Variants in DDIAS observed in about 807,000 individuals in gnomAD.
The protein encoded by DDIAS is DNA damage-induced apoptosis suppressor protein.
In DDIAS, 14 loss-of-function variants were observed where a neutral mutation model predicts 15.7. The observed-to-expected ratio is 0.89, with a 90% CI of 0.59 to 1.39. The LOEUF (loss-of-function observed/expected upper bound fraction) is 1.39, where lower values mean the gene tolerates loss of function less well. Ranked by LOEUF, DDIAS falls within the 40% of genes most tolerant of loss-of-function variation. The pLI is 0.00. For synonymous variants in DDIAS, 355 were observed against 395.9 expected (o/e 0.90, Z 1.23); for missense variants, 1,035 against 1,130.9 (o/e 0.92, Z 1.22).
chr11:82,914,822 C>A lies in DDIAS; in HGVS notation c.84C>A (p.Cys28Ter). ...TTATATATCCATCATGTCAGAAGTG[C>A]TTCTCTAGGATAATCCTGGTCTCCA... ...SSFIYPSCQK[C>*]FSRIILVSKR... The change falls in exon 3 of 6, where the codon TGC becomes TGA. Residue 28 changes from cysteine to a stop codon, truncating the protein, a stop_gained. Coordinates refer to ENST00000533655, the MANE Select transcript of DDIAS (RefSeq NM_145018.4). LOFTEE classifies it high-confidence loss of function. 3.1e-6 allele frequency: 5 copies of A among 1,600,226 alleles called. No homozygotes were observed. The highest frequency in any genetic ancestry group is 4.3e-6 in the Non-Finnish European group (5 of 1,168,214).
chr11:82,924,157 A>T (rs1860810194), intron 3 of DDIAS, among the ~76,000 whole-genome samples: 1 of 152,232 alleles, frequency 6.6e-6, no homozygotes, highest in Non-Finnish European at 1.5e-5. Context: ...ACACATATAG[A>T]TCATAGTTTT....
At chr11:82,921,257 G>C (rs1432226570) in intron 3 of DDIAS, among the ~76,000 whole-genome samples, 2 of 152,142 alleles carry the variant, frequency 1.3e-5, no homozygotes, top group Non-Finnish European at 2.9e-5. Flanking sequence ...GTTTATGTGA[G>C]TCCTTATGTG....
intron 5 of DDIAS, among the ~76,000 whole-genome samples, chr11:82,930,570 C>T (rs113170878): frequency 0.013 from 2,001 of 151,980 alleles, 34 homozygotes; most frequent in African/African-American, 0.045. Flanking sequence ...TTTTGCCCTC[C>T]GGATTTTGTT....
Position 82,933,016 on chromosome 11 carries a change from A to G in DDIAS, c.1678A>G (p.Arg560Gly), listed in dbSNP as rs1375553477. 5.6e-6 allele frequency: 9 copies of G among 1,609,074 alleles called. No homozygotes were observed. Among genetic ancestry groups the G allele is most frequent in the Non-Finnish European group, 7.6e-6 (9 of 1,179,524 alleles). Residue 560 changes from arginine (R) to glycine (G), a missense_variant, in exon 6 of 6, where the codon AGA becomes GGA. Coordinates refer to ENST00000533655, the MANE Select transcript of DDIAS (RefSeq NM_145018.4). ...ETIVTLKKTIRISPHRESDHS... is the reference protein window; with the variant it reads ...ETIVTLKKTIGISPHRESDHS... ...AATAGTTACTCTTAAGAAGACTATCAGAATCTCACCACACAGGGAGAGTGA... is the reference window on the plus strand; with the variant it reads ...AATAGTTACTCTTAAGAAGACTATCGGAATCTCACCACACAGGGAGAGTGA...
chr11:82,903,927 G>C (rs1396828739), intron 1 of DDIAS, among the ~76,000 whole-genome samples: 1 of 152,236 alleles, frequency 6.6e-6, no homozygotes, highest in Non-Finnish European at 1.5e-5. Flanking sequence ...AGTGGAACTA[G>C]TTTTTTAAAG....
intron 1 of DDIAS, among the ~76,000 whole-genome samples, chr11:82,902,359 A>G (rs1019627687): frequency 6.6e-6 from 1 of 151,892 alleles, no homozygotes; most frequent in African/African-American, 2.4e-5. Flanking sequence ...GTTCGACCCT[A>G]TGACTGCTAC....
At chr11:82,914,684 A>T in intron 2 of DDIAS, 39 bp from the exon 3 acceptor site, 1 of 1,056,036 alleles carries the variant, frequency 9.5e-7, no homozygotes, top group Non-Finnish European at 1.5e-6. Flanking sequence ...CTGCAATGAA[A>T]GATTTGCCAG....
At chr11:82,912,229 C>G (rs1860542014) in intron 1 of DDIAS, among the ~76,000 whole-genome samples, 1 of 152,158 alleles carries the variant, frequency 6.6e-6, no homozygotes, top group Admixed American at 6.5e-5. Flanking sequence ...ACTGACTTCT[C>G]TAGCTATGAA....
intron 2 of DDIAS, chr11:82,914,153 T>C (rs779682300): frequency 2.1e-4 from 60 of 289,134 alleles, no homozygotes; most frequent in Non-Finnish European, 3.4e-4. Flanking sequence ...CAGGCTGGTC[T>C]CAAACTCCCT....
At chr11:82,923,165 G>A (rs897409285) in intron 3 of DDIAS, among the ~76,000 whole-genome samples, 10 of 152,310 alleles carry the variant, frequency 6.6e-5, no homozygotes, top group Admixed American at 6.5e-4. Flanking sequence ...GTTTGTTCTT[G>A]CAGTTGTTCT....
chr11:82,933,057 TAAC>T lies in DDIAS; in HGVS notation c.1722_1724del (p.Asn574del). 6.2e-7 allele frequency: 1 copy of T among 1,603,892 alleles called. No homozygotes were observed. The highest frequency in any genetic ancestry group is 8.5e-7 in the Non-Finnish European group (1 of 1,178,558). ...GGGAGAGTGACCATTCTAGTCTAAA[TAAC>T]AAATATTTGAATGGATGTGGAGAAA... On this transcript the variant is annotated inframe_deletion, in exon 6 of 6. Transcript: ENST00000533655.
At chr11:82,919,237 A>G (rs1279177662) in intron 3 of DDIAS, among the ~76,000 whole-genome samples, 2 of 152,200 alleles carry the variant, frequency 1.3e-5, no homozygotes, top group Non-Finnish European at 2.9e-5. Context: ...TGGGTTTGTC[A>G]TAGATGGCTT....
rs1237734320 is a variant in DDIAS at position 82,932,157 on chromosome 11, C to T, written c.819C>T (p.Asn273=). 2 of 1,614,160 alleles carry T rather than the reference C, an allele frequency of 1.2e-6. No individual in the cohort carries two copies. The highest frequency in any genetic ancestry group is 2.7e-5 in the African/African-American group (2 of 75,048). ...QSKAFGTLQQ[N]RKSISIAEAT... is the part of the protein sequence containing the mutation. ...AGGCCTTTGGTACTCTTCAGCAGAA[C>T]AGAAAGTCCATCTCCATTGCAGAGG... Residue 273 remains asparagine, a synonymous_variant, in exon 6 of 6, where the codon AAC becomes AAT. Coordinates refer to ENST00000533655, the MANE Select transcript of DDIAS (RefSeq NM_145018.4).
chr11:82,912,604 C>A (rs960222689), intron 1 of DDIAS, among the ~76,000 whole-genome samples: 5 of 152,146 alleles, frequency 3.3e-5, no homozygotes, highest in Non-Finnish European at 5.9e-5. Flanking sequence ...CTATCCAGAC[C>A]ACTAAAATTT....
At chr11:82,919,787 A>C (rs1179886555) in intron 3 of DDIAS, among the ~76,000 whole-genome samples, 3 of 152,168 alleles carry the variant, frequency 2.0e-5, no homozygotes, top group African/African-American at 7.2e-5. Flanking sequence ...GCTGGAGTGC[A>C]GTGGCGTGAT....
intron 3 of DDIAS, among the ~76,000 whole-genome samples, chr11:82,917,834 C>T (rs911364573): frequency 6.6e-6 from 1 of 152,144 alleles, no homozygotes. Flanking sequence ...TTGATTATGG[C>T]CATTCTTGCA....
intron 3 of DDIAS, among the ~76,000 whole-genome samples, chr11:82,919,434 C>G (rs1484878979): frequency 6.6e-6 from 1 of 152,194 alleles, no homozygotes; most frequent in African/African-American, 2.4e-5. Flanking sequence ...GTCCCTACAT[C>G]CCTGGTATGA....
At chr11:82,908,166 G>A (rs571805026) in intron 1 of DDIAS, among the ~76,000 whole-genome samples, 3 of 152,324 alleles carry the variant, frequency 2.0e-5, no homozygotes, top group African/African-American at 7.2e-5. Flanking sequence ...AGACCTAAGG[G>A]AAGAATATCG....
Position 82,914,826 on chromosome 11 carries a change from T to C in DDIAS, c.88T>C (p.Ser30Pro), listed in dbSNP as rs1481305509. 1 of 1,595,178 alleles carries C rather than the reference T, an allele frequency of 6.3e-7. No individual in the cohort carries two copies. Among genetic ancestry groups the C allele is most frequent in the African/African-American group, 1.3e-5 (1 of 74,390 alleles). ...FIYPSCQKCF[S>P]RIILVSKRSN... ...ATATCCATCATGTCAGAAGTGCTTC[T>C]CTAGGATAATCCTGGTCTCCAAAAG... Residue 30 changes from serine (S) to proline (P), a missense_variant, in exon 3 of 6, where the codon TCT becomes CCT. Transcript: ENST00000533655.
Sources: gnomAD v4.1 joint callset for allele counts (sites outside exome capture counted in the v4.1 genomes callset) on GRCh38, gnomAD v4.1.1 for gene constraint, MANE v1.5 for transcripts, NCBI Gene and HGNC (gene_info 2026-07-23, HGNC 2026-07-21) for gene names.